Variants in BSPH1 observed in about 807,000 individuals in gnomAD.
The protein encoded by BSPH1 is binder of sperm 1.
A neutral mutation model predicts 22.5 loss-of-function variants in BSPH1; 21 were observed. That is an observed-to-expected ratio of 0.93 (90% CI 0.66 to 1.35). BSPH1 has a LOEUF of 1.35. Among genes scored for constraint, BSPH1 ranks in the 40% most tolerant of loss-of-function variants. The pLI, the probability that BSPH1 is intolerant of heterozygous loss-of-function variation, is 0.00. For missense variants in BSPH1, 141 were observed against 154.2 expected (o/e 0.91, Z 0.45); for synonymous variants, 42 against 53.6 (o/e 0.78, Z 0.95).
At chr19:47,987,248 G>T (rs1490320244) in intron 1 of BSPH1, among the ~76,000 whole-genome samples, 1 of 152,198 alleles carries the variant, frequency 6.6e-6, no homozygotes, top group African/African-American at 2.4e-5. Context: ...AGTTTGTGGA[G>T]GCTAAAACAC....
intron 1 of BSPH1, among the ~76,000 whole-genome samples, chr19:47,986,094 A>G (rs904942066): frequency 2.0e-5 from 3 of 152,150 alleles, no homozygotes; most frequent in African/African-American, 7.2e-5. Flanking sequence ...ACTAGGGAAA[A>G]AAAGCTGCAG....
chr19:47,980,246 T>C (rs1045867157), intron 2 of BSPH1, among the ~76,000 whole-genome samples: 9 of 152,060 alleles, frequency 5.9e-5, no homozygotes, highest in African/African-American at 1.9e-4. Context: ...AATTTTAAAA[T>C]GAAATTGGCT....
intron 5 of BSPH1, among the ~76,000 whole-genome samples, chr19:47,970,593 T>C (rs1157606959): frequency 6.6e-6 from 1 of 152,210 alleles, no homozygotes; most frequent in Non-Finnish European, 1.5e-5. Flanking sequence ...CTTGGGATGT[T>C]GGCTAGATTG....
intron 5 of BSPH1, among the ~76,000 whole-genome samples, chr19:47,970,016 T>A (rs28484600): frequency 0.54 from 81,059 of 150,194 alleles, 22,837 homozygotes; most frequent in South Asian, 0.74. Flanking sequence ...TGTGTGTGTG[T>A]GAGAGAGAGA....
At chr19:47,977,535 T>C in intron 3 of BSPH1, 31 bp from the exon 4 acceptor site, 1 of 1,550,222 alleles carries the variant, frequency 6.5e-7, no homozygotes, top group Admixed American at 2.0e-5. Flanking sequence ...CCTCTGTTTC[T>C]GGGTGTGTTA....
At chr19:47,968,698 A>AAG (rs1568394112) in intron 5 of BSPH1, among the ~76,000 whole-genome samples, 27 of 150,266 alleles carry the variant, frequency 1.8e-4, no homozygotes, top group African/African-American at 6.3e-4. Context: ...AAAAAAAAAA[A>AAG]AAAAAGAAAT....
At chr19:47,969,003 TAA>T (rs34349485) in intron 5 of BSPH1, among the ~76,000 whole-genome samples, 1,878 of 127,640 alleles carry the variant, frequency 0.015, 32 homozygotes, top group African/African-American at 0.044. Context: ...TATCTCAGAT[TAA>T]AAAAAAAAAA....
intron 1 of BSPH1, among the ~76,000 whole-genome samples, chr19:47,983,541 C>G (rs963978381): frequency 4.6e-5 from 7 of 152,056 alleles, no homozygotes; most frequent in Admixed American, 4.6e-4. Context: ...TGCAACATCC[C>G]CATATCATAA....
At chr19:47,969,860 A>G (rs901346359) in intron 5 of BSPH1, among the ~76,000 whole-genome samples, 1 of 151,672 alleles carries the variant, frequency 6.6e-6, no homozygotes, top group African/African-American at 2.4e-5. Context: ...TGTAAGAGAC[A>G]GAGAGAGACT....
intron 3 of BSPH1, among the ~76,000 whole-genome samples, chr19:47,978,129 C>T (rs1969385777): frequency 6.6e-6 from 1 of 151,464 alleles, no homozygotes; most frequent in Non-Finnish European, 1.5e-5. Flanking sequence ...CTTAACACAT[C>T]ACAGAAATCT....
intron 1 of BSPH1, among the ~76,000 whole-genome samples, chr19:47,986,150 T>C (rs993272538): frequency 6.6e-6 from 1 of 152,182 alleles, no homozygotes; most frequent in Non-Finnish European, 1.5e-5. Flanking sequence ...TACATGGTAG[T>C]CCTACGATCC....
intron 2 of BSPH1, chr19:47,980,486 T>C (rs1188271966): frequency 1.4e-4 from 51 of 369,132 alleles, no homozygotes; most frequent in Non-Finnish European, 1.3e-4. Flanking sequence ...TCTTTTTTTT[T>C]TTTTTTTTTT....
In BSPH1 at chr19:47,989,110, T is replaced by TTTATTA. The variant is rs199985003; in HGVS notation, c.73+2893_73+2898dup. Among the ~76,000 whole-genome samples, 1,036 of 138,382 alleles carry TTTATTA rather than the reference T, an allele frequency of 7.5e-3. 6 individuals carry two copies. The highest frequency in any genetic ancestry group is 8.9e-3 in the Non-Finnish European group (573 of 64,620). 90.8% of individuals were successfully genotyped at this position (138,382 alleles called of 152,430 possible). A position where few individuals can be genotyped will look rare whatever the true frequency, so the allele number is the denominator to read the frequency against. Reference sequence around the variant, plus strand: ...TCCAGCAAACCTATCAAGTCACCGTTTTATTATTATTATTATTATTATTAT... The same window carrying TTTATTA: ...TCCAGCAAACCTATCAAGTCACCGTTTTATTATTATTATTATTATTATTATTATTAT... On this transcript the variant is annotated intron_variant, in intron 1 of 5. Transcript: ENST00000344839.
chr19:47,980,661 G>A (rs1334507224), intron 2 of BSPH1, among the ~76,000 whole-genome samples: 2 of 151,546 alleles, frequency 1.3e-5, no homozygotes, highest in East Asian at 1.9e-4. Context: ...TAGTAGAGAC[G>A]GGGTTTCACC....
In BSPH1 at chr19:47,976,828, A is replaced by C; in HGVS notation, c.283T>G (p.Trp95Gly). The C allele has an allele frequency of 6.4e-7, 1 of 1,551,674 alleles. No individual in the cohort carries two copies. The highest frequency in any genetic ancestry group is 8.7e-7 in the Non-Finnish European group (1 of 1,146,976). The change falls in exon 5 of 6, where the codon TGG becomes GGG. Residue 95 changes from tryptophan (W) to glycine (G), a missense_variant. By Grantham distance (184) the Trp-to-Gly change is radical. Transcript: ENST00000344839. The part of the protein sequence containing the change: ...EDFANCVFPF[W>G]YRRLIYWECT... ...TCCCAGTAGATCAAGCGTCTGTACC[A>C]GAAGGGAAATACACAGTTTGCAAAA...
chr19:47,989,287 A>G (rs1360082932), intron 1 of BSPH1, among the ~76,000 whole-genome samples: 2 of 151,840 alleles, frequency 1.3e-5, no homozygotes, highest in Non-Finnish European at 2.9e-5. Context: ...CTGGGATTAT[A>G]GGCACCTGCC....
At chr19:47,991,796 T>TC (rs1272502409) in intron 1 of BSPH1, among the ~76,000 whole-genome samples, 1 of 54,370 alleles carries the variant, frequency 1.8e-5, no homozygotes, top group African/African-American at 6.8e-5. Context: ...CTCCCCCCTT[T>TC]CCCTCTTTCT....
intron 5 of BSPH1, among the ~76,000 whole-genome samples, chr19:47,973,109 C>T (rs914915300): frequency 4.6e-5 from 7 of 151,408 alleles, no homozygotes; most frequent in Non-Finnish European, 5.9e-5. Flanking sequence ...CCCAGCTTCT[C>T]GGGAGGCTGA....
chr19:47,983,489 C>G (rs1969438368), intron 1 of BSPH1, among the ~76,000 whole-genome samples: 1 of 152,114 alleles, frequency 6.6e-6, no homozygotes, highest in Non-Finnish European at 1.5e-5. Flanking sequence ...GTCTGCTAAG[C>G]ACTATGATCT....
Sources: allele counts gnomAD v4.1 joint callset (sites outside exome capture counted in the v4.1 genomes callset), GRCh38; gene constraint gnomAD v4.1.1; transcripts MANE v1.5; gene names NCBI Gene and HGNC (gene_info 2026-07-23, HGNC 2026-07-21).